Variants in PCDHGA4 observed in about 807,000 individuals in gnomAD.
The protein encoded by PCDHGA4 is protocadherin gamma-A4.
PCDHGA4 carries 38 observed loss-of-function variants against 54.6 expected under a neutral mutation model. The observed-to-expected ratio is 0.70, with a 90% CI of 0.54 to 0.91. PCDHGA4 has a LOEUF of 0.91. PCDHGA4 is among the 40% of genes least tolerant of loss of function. The probability of loss-of-function intolerance (pLI) is 0.00; values close to 1 mark genes in which losing one functional copy is unlikely to be tolerated. For missense variants in PCDHGA4, 1,298 were observed against 1,220.9 expected (o/e 1.06, Z -0.94); for synonymous variants, 511 against 512.9 (o/e 1.00, Z 0.05).
intron 1 of PCDHGA4, among the ~76,000 whole-genome samples, chr5:141,443,016 G>T (rs1325670377): frequency 6.6e-6 from 1 of 152,204 alleles, no homozygotes; most frequent in East Asian, 1.9e-4. Context: ...TATGACTAAT[G>T]GAAGTTGCCA....
At chr5:141,382,959 G>A (rs994078805) in intron 1 of PCDHGA4, 3 of 1,607,324 alleles carry the variant, frequency 1.9e-6, no homozygotes, top group African/African-American at 1.3e-5. Flanking sequence ...CCATCCTCCT[G>A]GGGACCCCCT....
rs745698097 is a variant in PCDHGA4 at position 141,389,267 on chromosome 5, G to C, written c.2514+31646G>C. The C allele has an allele frequency of 3.0e-5, 48 of 1,613,890 alleles. No individual in the cohort carries two copies. The highest frequency in any genetic ancestry group is 4.0e-5 in the Non-Finnish European group (47 of 1,179,898). On this transcript the variant is annotated intron_variant, in intron 1 of 3. Coordinates refer to ENST00000571252, the MANE Select transcript of PCDHGA4 (RefSeq NM_018917.4). ...CTTCCTATATAGTCCACGTGGCCGA[G>C]AACAACCCGCCTGGAGCCTCTATTT...
rs752341952 is a variant in PCDHGA4 at position 141,431,380 on chromosome 5, T to C, written c.2515-63427T>C. 10 of 1,613,902 alleles carry C rather than the reference T, an allele frequency of 6.2e-6. No homozygotes were observed. The highest frequency in any genetic ancestry group is 8.5e-6 in the Non-Finnish European group (10 of 1,180,024). ...CCCTGGACCGCGAAGAAAAGGCTGCTCACCACCTGGTCCTTACGGCCTCCG... is the reference window on the plus strand; with the variant it reads ...CCCTGGACCGCGAAGAAAAGGCTGCCCACCACCTGGTCCTTACGGCCTCCG... On this transcript the variant is annotated intron_variant, in intron 1 of 3. Transcript: ENST00000571252. The surrounding 1 kb of genome is among the most constrained non-coding windows in gnomAD (Gnocchi z 4.8).
chr5:141,422,088 CA>C (rs1235447839), intron 1 of PCDHGA4: 2 of 1,611,912 alleles, frequency 1.2e-6, no homozygotes, highest in Non-Finnish European at 1.7e-6. Flanking sequence ...ACATGGAAAG[CA>C]AGGCTTCTGA....
At chr5:141,394,009 GTAATTATTATAGA>G (rs780846520) in intron 1 of PCDHGA4, 1 of 1,613,394 alleles carries the variant, frequency 6.2e-7, no homozygotes, top group Non-Finnish European at 8.5e-7. Context: ...AAGTCAATAG[GTAATTATTATAGA>G]TTAGTGACAA....
chr5:141,388,628 G>A (rs752578230), intron 1 of PCDHGA4: 2 of 1,613,898 alleles, frequency 1.2e-6, no homozygotes. Flanking sequence ...ACGTATACAG[G>A]GTGAGCCTTT....
chr5:141,389,496 CCAGCGCT>C, intron 1 of PCDHGA4: 1 of 1,613,068 alleles, frequency 6.2e-7, no homozygotes, highest in Non-Finnish European at 8.5e-7. Context: ...CCAGGGCTCG[CCAGCGCT>C]CAGCGCGAAC....
chr5:141,486,671 C>T lies in PCDHGA4; in HGVS notation c.2515-8136C>T, dbSNP rs1307620045. The T allele has an allele frequency of 1.9e-6, 3 of 1,613,926 alleles. No homozygotes were observed. Among genetic ancestry groups the T allele is most frequent in the South Asian group, 1.1e-5 (1 of 91,078 alleles). On this transcript the variant is annotated intron_variant, in intron 1 of 3. Coordinates refer to ENST00000571252, the MANE Select transcript of PCDHGA4 (RefSeq NM_018917.4). This position sits in a 1 kb window ranked among gnomAD's most constrained non-coding sequence, Gnocchi z 5.0. Reference sequence around the variant, plus strand: ...CTACTCACTCCTGGAGCCCAGGAATCGAGATGTATCAGCTTCCTCTTTCAT... The same window carrying T: ...CTACTCACTCCTGGAGCCCAGGAATTGAGATGTATCAGCTTCCTCTTTCAT...
intron 1 of PCDHGA4, among the ~76,000 whole-genome samples, chr5:141,405,811 ACTGT>A (rs56926516): frequency 0.18 from 26,617 of 151,870 alleles, 2,510 homozygotes; most frequent in Admixed American, 0.28. Flanking sequence ...TTTCTCTTTA[ACTGT>A]CTGTACTTAA....
chr5:141,363,067 T>A (rs1215757323), intron 1 of PCDHGA4, among the ~76,000 whole-genome samples: 1 of 152,250 alleles, frequency 6.6e-6, no homozygotes, highest in Non-Finnish European at 1.5e-5. Context: ...GCTAAATGTC[T>A]TGGAATCACA....
Position 141,501,290 on chromosome 5 carries a change from TACACACAC to T in PCDHGA4, c.2574-4066_2574-4059del, listed in dbSNP as rs55762287. 3.7e-3 allele frequency among the ~76,000 whole-genome samples: 499 copies of T among 136,222 alleles called. 2 individuals carry two copies. Among genetic ancestry groups the T allele is most frequent in the Middle Eastern group, 0.033 (9 of 270 alleles). 89.4% of individuals were successfully genotyped at this position (136,222 alleles called of 152,430 possible). On this transcript the variant is annotated intron_variant, in intron 2 of 3. Transcript: ENST00000571252. ...GTCCAGTCTATGGGATATTCCCTTA[TACACACAC>T]ACACACACACACACACACACACACA... is the stretch of plus-strand genomic sequence containing the variant.
intron 1 of PCDHGA4, among the ~76,000 whole-genome samples, chr5:141,462,218 C>T (rs2099034952): frequency 6.6e-6 from 1 of 152,180 alleles, no homozygotes; most frequent in African/African-American, 2.4e-5. Context: ...CCTCGGCCTC[C>T]CAAAGTGCAG....
intron 1 of PCDHGA4, chr5:141,374,029 A>T (rs1460112886): frequency 7.0e-7 from 1 of 1,428,780 alleles, no homozygotes; most frequent in Non-Finnish European, 9.2e-7. Flanking sequence ...AGCAAAAGTG[A>T]TGCAGATCTG....
At chr5:141,395,109 A>G (rs1181706209) in intron 1 of PCDHGA4, 1 of 1,614,092 alleles carries the variant, frequency 6.2e-7, no homozygotes, top group Admixed American at 1.7e-5. Context: ...CTCGCGGAAG[A>G]GTCACCTGAT....
intron 1 of PCDHGA4, chr5:141,362,057 G>T: frequency 6.2e-7 from 1 of 1,611,706 alleles, no homozygotes; most frequent in Non-Finnish European, 8.5e-7. Flanking sequence ...GCCCGCCAGC[G>T]CCTGCTGGTC....
intron 1 of PCDHGA4, chr5:141,430,977 A>G (rs761722055): frequency 1.2e-5 from 20 of 1,613,408 alleles, no homozygotes; most frequent in Middle Eastern, 1.7e-4. Flanking sequence ...GGTAGGACGC[A>G]GCTTTTCGCC....
intron 1 of PCDHGA4, among the ~76,000 whole-genome samples, chr5:141,449,630 T>C (rs1006977026): frequency 6.7e-6 from 1 of 150,024 alleles, no homozygotes; most frequent in South Asian, 2.1e-4. Flanking sequence ...TTTAAAAAGA[T>C]GTATCTATAT....
chr5:141,360,641 G>A, intron 1 of PCDHGA4: 1 of 1,613,962 alleles, frequency 6.2e-7, no homozygotes, highest in Non-Finnish European at 8.5e-7. Flanking sequence ...TCACTACAAA[G>A]ATACCACCTT....
intron 1 of PCDHGA4, among the ~76,000 whole-genome samples, chr5:141,381,599 T>C (rs1273652437): frequency 9.9e-5 from 15 of 152,240 alleles, no homozygotes; most frequent in Admixed American, 9.8e-4. Flanking sequence ...CAGTTTCTTA[T>C]GAATTCACAG....
Sources: allele counts gnomAD v4.1 joint callset (sites outside exome capture counted in the v4.1 genomes callset), GRCh38; gene constraint gnomAD v4.1.1; non-coding constraint Gnocchi (gnomAD v3.1); transcripts MANE v1.5; gene names NCBI Gene and HGNC (gene_info 2026-07-23, HGNC 2026-07-21).